Variants in DLG2 observed in about 807,000 individuals in gnomAD.
DLG2 encodes discs large MAGUK scaffold protein 2, also known as disks large homolog 2.
Under a neutral mutation model 132.5 loss-of-function variants are expected in DLG2, and 45 were observed. The observed-to-expected ratio is 0.34, with a 90% CI of 0.27 to 0.44. The LOEUF is 0.44. Ranked by LOEUF, DLG2 falls within the 20% of genes least tolerant of loss-of-function variation. The probability of loss-of-function intolerance (pLI) is 1.00; values close to 1 mark genes in which losing one functional copy is unlikely to be tolerated. For missense variants in DLG2, 1,045 were observed against 1,196.9 expected, an observed-to-expected ratio of 0.87 and a Z score of 1.87; for synonymous variants, 424 against 419.6, an observed-to-expected ratio of 1.01 and a Z score of -0.13.
At chr11:85,193,286 G>T (rs948091555) in intron 4 of DLG2, among the ~76,000 whole-genome samples, 1 of 152,126 alleles carries the variant, frequency 6.6e-6, no homozygotes, top group African/African-American at 2.4e-5. Context: ...CCCTTATACA[G>T]ATTCTATATA....
chr11:85,522,442 A>C (rs2074389308), intron 3 of DLG2, among the ~76,000 whole-genome samples: 1 of 152,138 alleles, frequency 6.6e-6, no homozygotes, highest in African/African-American at 2.4e-5. Flanking sequence ...CCCCATACAG[A>C]ATCCCCCCTA....
chr11:84,852,665 G>A (rs1212933652), intron 6 of DLG2, among the ~76,000 whole-genome samples: 1 of 150,804 alleles, frequency 6.6e-6, no homozygotes, highest in Non-Finnish European at 1.5e-5. Flanking sequence ...CAAAATAAAT[G>A]AAATATAACC....
At chr11:84,556,271 G>C (rs377410922) in intron 6 of DLG2, among the ~76,000 whole-genome samples, 58 of 152,304 alleles carry the variant, frequency 3.8e-4, no homozygotes, top group African/African-American at 1.3e-3. Flanking sequence ...CTAGTGGACA[G>C]TGGGTATAAA....
chr11:84,109,906 G>C (rs544427222), intron 9 of DLG2, among the ~76,000 whole-genome samples: 1 of 152,126 alleles, frequency 6.6e-6, no homozygotes, highest in Non-Finnish European at 1.5e-5. Flanking sequence ...CCTCCCCATC[G>C]GTCCCTACAT....
intron 18 of DLG2, among the ~76,000 whole-genome samples, chr11:83,684,000 T>C (rs1040873727): frequency 4.6e-5 from 7 of 152,092 alleles, no homozygotes; most frequent in Non-Finnish European, 7.4e-5. Context: ...ATTTGCAACA[T>C]GTCTGCTATC....
chr11:85,322,887 G>A (rs1008632252), intron 3 of DLG2, among the ~76,000 whole-genome samples: 1 of 152,058 alleles, frequency 6.6e-6, no homozygotes, highest in Admixed American at 6.6e-5. Context: ...TCTCACACCT[G>A]CACTACCACA....
chr11:85,110,455 T>C (rs367595331), intron 6 of DLG2, among the ~76,000 whole-genome samples: 5 of 151,824 alleles, frequency 3.3e-5, no homozygotes, highest in Middle Eastern at 3.4e-3. Flanking sequence ...AAAAACCACA[T>C]CCTTTCTCTA....
intron 18 of DLG2, among the ~76,000 whole-genome samples, chr11:83,657,797 C>T (rs1456393303): frequency 2.0e-5 from 3 of 152,150 alleles, no homozygotes; most frequent in African/African-American, 7.2e-5. Context: ...GCCTTGGCCT[C>T]CCAAAGTGCT....
intron 3 of DLG2, among the ~76,000 whole-genome samples, chr11:85,375,233 G>C (rs2085313127): frequency 6.6e-6 from 1 of 152,108 alleles, no homozygotes; most frequent in Admixed American, 6.5e-5. Flanking sequence ...GTATGACCTT[G>C]TAGAATATTG....
intron 18 of DLG2, among the ~76,000 whole-genome samples, chr11:83,751,234 G>A (rs2093286153): frequency 6.6e-6 from 1 of 152,190 alleles, no homozygotes; most frequent in African/African-American, 2.4e-5. Context: ...GACCTGAGCT[G>A]GAAGTGTGCC....
chr11:83,502,917 G>T (rs1263818735), intron 21 of DLG2, among the ~76,000 whole-genome samples: 1 of 151,944 alleles, frequency 6.6e-6, no homozygotes, highest in Non-Finnish European at 1.5e-5. Context: ...TTGTTAGAAG[G>T]CTTTCCTAAT....
intron 18 of DLG2, among the ~76,000 whole-genome samples, chr11:83,753,804 TATATATC>T (rs1313166274): frequency 2.5e-4 from 20 of 79,564 alleles, no homozygotes; most frequent in South Asian, 3.9e-4. Flanking sequence ...TGATATATCA[TATATATC>T]ATATATATAT....
chr11:83,904,557 G>A (rs967571879), intron 15 of DLG2, among the ~76,000 whole-genome samples: 1 of 152,134 alleles, frequency 6.6e-6, no homozygotes, highest in African/African-American at 2.4e-5. Context: ...GCTAGCAGAA[G>A]CACTGACTGT....
chr11:83,867,594 T>C (rs2062639271), intron 16 of DLG2, among the ~76,000 whole-genome samples: 2 of 152,310 alleles, frequency 1.3e-5, no homozygotes, highest in African/African-American at 2.4e-5. Context: ...AAAATCTAGA[T>C]TTTCTATGTC....
At chr11:84,100,884 G>C (rs1378642158) in intron 9 of DLG2, among the ~76,000 whole-genome samples, 2 of 151,998 alleles carry the variant, frequency 1.3e-5, no homozygotes, top group Non-Finnish European at 2.9e-5. Flanking sequence ...TTTCCAGAGG[G>C]TTGTTTTTAC....
chr11:84,176,013 G>C (rs1419922724), intron 8 of DLG2, among the ~76,000 whole-genome samples: 1 of 152,012 alleles, frequency 6.6e-6, no homozygotes, highest in Non-Finnish European at 1.5e-5. Context: ...GGTAACAACA[G>C]TATTATTAAT....
chr11:84,732,738 C>T (rs952451727), intron 6 of DLG2, among the ~76,000 whole-genome samples: 1 of 151,874 alleles, frequency 6.6e-6, no homozygotes, highest in Non-Finnish European at 1.5e-5. Flanking sequence ...TGGTGTGCTG[C>T]ACCCATTAAC....
chr11:83,909,586 G>A (rs1478285337), intron 15 of DLG2, among the ~76,000 whole-genome samples: 1 of 152,122 alleles, frequency 6.6e-6, no homozygotes, highest in Non-Finnish European at 1.5e-5. Flanking sequence ...AGAAACTACG[G>A]ATTGTTATAA....
chr11:83,521,731 A>T (rs1185180076), intron 21 of DLG2, among the ~76,000 whole-genome samples: 3 of 152,050 alleles, frequency 2.0e-5, no homozygotes, highest in Non-Finnish European at 4.4e-5. Context: ...ATGTTCATGA[A>T]TGACATTTTT....
Sources: gnomAD v4.1 joint callset for allele counts (sites outside exome capture counted in the v4.1 genomes callset) on GRCh38, gnomAD v4.1.1 for gene constraint, MANE v1.5 for transcripts, NCBI Gene and HGNC (gene_info 2026-07-23, HGNC 2026-07-21) for gene names.